MYCBP2: variants seen among roughly 807,000 people sequenced by gnomAD.
MYCBP2 encodes the protein E3 ubiquitin-protein ligase MYCBP2.
A neutral mutation model predicts 525.3 loss-of-function variants in MYCBP2; 120 were observed. The observed-to-expected ratio is 0.23, with a 90% confidence interval of 0.20 to 0.27. The LOEUF (loss-of-function observed/expected upper bound fraction) is 0.27, where lower values mean the gene tolerates loss of function less well. Ranked by LOEUF, MYCBP2 falls within the 10% of genes least tolerant of loss-of-function variation. The pLI is 1.00. For missense variants in MYCBP2, 4,149 were observed against 5,657.1 expected, an observed-to-expected ratio of 0.73 and a Z score of 8.55; for synonymous variants, 1,894 against 1,955.8, an observed-to-expected ratio of 0.97 and a Z score of 0.83.
chr13:77,298,248 C>G (rs17694524), intron 1 of MYCBP2, among the ~76,000 whole-genome samples: 1 of 152,226 alleles, frequency 6.6e-6, no homozygotes, highest in Non-Finnish European at 1.5e-5. Flanking sequence ...TTCTCTACCA[C>G]GTCTTCTCCT....
intron 2 of MYCBP2, among the ~76,000 whole-genome samples, chr13:77,294,129 T>TATATAC (rs1450128273): frequency 2.3e-4 from 6 of 26,140 alleles, no homozygotes; most frequent in African/African-American, 4.1e-4. Flanking sequence ...TATATATATA[T>TATATAC]ACATATATAT....
chr13:77,213,389 T>A (rs572342477), intron 21 of MYCBP2, among the ~76,000 whole-genome samples: 1 of 152,164 alleles, frequency 6.6e-6, no homozygotes. Flanking sequence ...GCATAAGAAT[T>A]GCTTGAATCT....
chr13:77,312,938 C>G (rs1414705026), intron 1 of MYCBP2, among the ~76,000 whole-genome samples: 1 of 151,854 alleles, frequency 6.6e-6, no homozygotes, highest in African/African-American at 2.4e-5. Context: ...ATTTATAGAA[C>G]TTCATGTCCA....
chr13:77,197,343 G>A (rs148841867), intron 26 of MYCBP2, among the ~76,000 whole-genome samples: 4 of 152,210 alleles, frequency 2.6e-5, no homozygotes, highest in Non-Finnish European at 5.9e-5. Flanking sequence ...TTTTTGTGGA[G>A]AAGAAAGAGA....
intron 52 of MYCBP2, among the ~76,000 whole-genome samples, chr13:77,136,018 TAGAGAC>T (rs774469865): frequency 6.6e-5 from 10 of 152,092 alleles, no homozygotes; most frequent in Admixed American, 1.3e-4. Flanking sequence ...GTATTTTTAG[TAGAGAC>T]AGGATTTCAC....
At chr13:77,138,137 C>A (rs2054039126) in intron 52 of MYCBP2, among the ~76,000 whole-genome samples, 1 of 152,156 alleles carries the variant, frequency 6.6e-6, no homozygotes, top group Non-Finnish European at 1.5e-5. Context: ...AACTTAACCT[C>A]CGTAAAGCAG....
At position 77,326,285 on chromosome 13, in the gene MYCBP2, G is replaced by A. The variant is rs1402820774; in HGVS notation, c.302+189C>T. On this transcript the variant is annotated intron_variant, in intron 1 of 82. Transcript: ENST00000544440. This position sits in a 1 kb window ranked among gnomAD's most constrained non-coding sequence, Gnocchi z 4.2. The stretch of plus-strand genomic sequence containing the variant: ...CACACACACACACACACACACACAC[G>A]AGAAACTGCAGCCACCGCACCCTCC... 1.7e-5 allele frequency among the ~76,000 whole-genome samples: 2 copies of A among 114,558 alleles called. No homozygotes were observed. Among genetic ancestry groups the A allele is most frequent in the African/African-American group, 3.7e-5 (1 of 26,970 alleles). 75.2% of individuals were successfully genotyped at this position (114,558 alleles called of 152,430 possible).
intron 14 of MYCBP2, among the ~76,000 whole-genome samples, chr13:77,255,623 T>C (rs1232315526): frequency 3.3e-5 from 5 of 151,984 alleles, no homozygotes; most frequent in Non-Finnish European, 7.4e-5. Flanking sequence ...TAAATCAAAG[T>C]ATTTCCATTG....
intron 7 of MYCBP2, among the ~76,000 whole-genome samples, chr13:77,268,313 G>C (rs752823602): frequency 5.3e-5 from 8 of 151,864 alleles, no homozygotes; most frequent in Admixed American, 3.3e-4. Flanking sequence ...GAATAGCATA[G>C]TGGTTTCAGA....
intron 55 of MYCBP2, chr13:77,110,099 T>C (rs1435127264): frequency 6.6e-6 from 1 of 152,178 alleles, no homozygotes; most frequent in South Asian, 2.1e-4. Flanking sequence ...AAGACAACCA[T>C]AAGGTCTGAC....
At chr13:77,189,139 T>C in intron 29 of MYCBP2, 92 bp from the exon 30 acceptor site, 1 of 802,312 alleles carries the variant, frequency 1.2e-6, no homozygotes, top group South Asian at 3.2e-5. Flanking sequence ...AATGGGAAAA[T>C]AAATTATATA....
intron 17 of MYCBP2, among the ~76,000 whole-genome samples, chr13:77,234,407 G>T (rs2067583243): frequency 6.6e-6 from 1 of 151,868 alleles, no homozygotes; most frequent in African/African-American, 2.4e-5. Flanking sequence ...TGAGCCTACT[G>T]CCCTCTAATA....
At chr13:77,193,967 A>C (rs762776920) in intron 27 of MYCBP2, among the ~76,000 whole-genome samples, 186 bp downstream of exon 27, 2 of 152,170 alleles carry the variant, frequency 1.3e-5, no homozygotes, top group Non-Finnish European at 2.9e-5. Flanking sequence ...TTTATGAAGT[A>C]TATTAGTTTT....
At chr13:77,227,976 T>C (rs2066539878) in intron 18 of MYCBP2, among the ~76,000 whole-genome samples, 1 of 152,084 alleles carries the variant, frequency 6.6e-6, no homozygotes, top group Admixed American at 6.6e-5. Flanking sequence ...TTATAGACAG[T>C]GAAAATCTTA....
At chr13:77,308,986 T>C (rs534389189) in intron 1 of MYCBP2, among the ~76,000 whole-genome samples, 24 of 152,202 alleles carry the variant, frequency 1.6e-4, no homozygotes, top group Non-Finnish European at 3.2e-4. Flanking sequence ...TTCAGGCAGA[T>C]AGTCATAGAT....
At chr13:77,054,897 G>A (rs532154853) in intron 80 of MYCBP2, among the ~76,000 whole-genome samples, 86 of 152,132 alleles carry the variant, frequency 5.7e-4, no homozygotes, top group Non-Finnish European at 9.4e-4. Context: ...CACTGTGCCC[G>A]GCCAAGATTG....
chr13:77,136,304 C>A (rs938011719), intron 52 of MYCBP2, among the ~76,000 whole-genome samples: 1 of 152,204 alleles, frequency 6.6e-6, no homozygotes, highest in African/African-American at 2.4e-5. Context: ...AAGTGCCCTA[C>A]CTATGATATC....
intron 9 of MYCBP2, 51 bp from the exon 10 acceptor site, chr13:77,263,840 A>G (rs765820182): frequency 3.1e-6 from 5 of 1,610,340 alleles, no homozygotes; most frequent in Non-Finnish European, 4.2e-6. Context: ...GAGGTCGTTC[A>G]AGGCTCTACA....
At chr13:77,072,944 T>C (rs1247876391) in intron 68 of MYCBP2, among the ~76,000 whole-genome samples, 2 of 152,176 alleles carry the variant, frequency 1.3e-5, no homozygotes, top group African/African-American at 2.4e-5. Flanking sequence ...AGTTCTTTCA[T>C]CTTGTTTACC....
Sources: allele counts gnomAD v4.1 joint callset (sites outside exome capture counted in the v4.1 genomes callset), GRCh38; gene constraint gnomAD v4.1.1; non-coding constraint Gnocchi (gnomAD v3.1); transcripts MANE v1.5; gene names NCBI Gene and HGNC (gene_info 2026-07-23, HGNC 2026-07-21).